Variants in NBEAL1 observed in about 807,000 individuals in gnomAD.
NBEAL1 encodes the protein neurobeachin like 1, also known as neurobeachin-like protein 1.
In NBEAL1, 273 loss-of-function variants were observed where a neutral mutation model predicts 351.3. That is an observed-to-expected ratio of 0.78 (90% CI 0.70 to 0.86). The LOEUF is 0.86. NBEAL1 is among the 40% of genes least tolerant of loss of function. The pLI is 0.00. For synonymous variants in NBEAL1, 1,050 were observed against 1,086.4 expected (o/e 0.97, Z 0.66); for missense variants, 2,961 against 3,201.3 (o/e 0.92, Z 1.81).
chr2:203,211,869 A>G (rs536981690), intron 54 of NBEAL1, among the ~76,000 whole-genome samples: 9 of 152,184 alleles, frequency 5.9e-5, no homozygotes, highest in African/African-American at 2.2e-4. Flanking sequence ...GAGATACTGG[A>G]GTAGTGGATA....
chr2:203,187,405 GGCTTTTTT>G, intron 44 of NBEAL1, among the ~76,000 whole-genome samples: 1 of 84,934 alleles, frequency 1.2e-5, no homozygotes, highest in Non-Finnish European at 2.4e-5. Context: ...AGCAATATCT[GGCTTTTTT>G]ATATTTTCTT....
At chr2:203,184,214 T>C (rs1182777278) in intron 44 of NBEAL1, among the ~76,000 whole-genome samples, 6 of 150,766 alleles carry the variant, frequency 4.0e-5, no homozygotes, top group African/African-American at 1.2e-4. Context: ...GCAGATCACC[T>C]GAGGTCAGGA....
In NBEAL1 at chr2:203,201,727, CT is replaced by C; in HGVS notation, c.7411+19del. On this transcript the variant is annotated intron_variant, in intron 50 of 55. Transcript: ENST00000683969. ...CATCCGGCATATGGGTAAGCATTAG[CT>C]TTTTTTCCAAAAATGCTCAAAAATT... The C allele has an allele frequency of 5.2e-6, 8 of 1,550,946 alleles. No homozygotes were observed. The highest frequency in any genetic ancestry group is 1.2e-5 in the South Asian group (1 of 82,696).
chr2:203,110,401 T>C lies in NBEAL1; in HGVS notation c.2082+119T>C, dbSNP rs2062540123. 6.6e-6 allele frequency: 7 copies of C among 1,056,980 alleles called. No homozygotes were observed. In the Admixed American group the frequency reaches 1.8e-4, roughly 27 times the overall value. 65.5% of individuals were successfully genotyped at this position (1,056,980 alleles called of 1,614,324 possible). The stretch of plus-strand genomic sequence containing the variant: ...AAAATTTAAATGAGGCTGGGCGCAG[T>C]GGCACACCTGTACGTAATCCCAGCA... On this transcript the variant is annotated intron_variant, in intron 15 of 55. Coordinates refer to ENST00000683969, the MANE Select transcript of NBEAL1 (RefSeq NM_001378026.1).
At chr2:203,107,109 A>C (rs2062456110) in intron 12 of NBEAL1, among the ~76,000 whole-genome samples, 1 of 152,180 alleles carries the variant, frequency 6.6e-6, no homozygotes, top group Non-Finnish European at 1.5e-5. Context: ...ATTACAAATC[A>C]AGTGAAGAAA....
chr2:203,140,396 G>A lies in NBEAL1; in HGVS notation c.4848+1648G>A, dbSNP rs545653078. On this transcript the variant is annotated intron_variant, in intron 31 of 55. Coordinates refer to ENST00000683969, the MANE Select transcript of NBEAL1 (RefSeq NM_001378026.1). ...AAAATAACTATTAGCATTTTAGTAC[G>A]TTACTTCTTTCTTGTTCTATGAATA... 5.9e-5 allele frequency among the ~76,000 whole-genome samples: 9 copies of A among 151,668 alleles called. No individual in the cohort carries two copies. In the East Asian group the frequency reaches 9.7e-4, roughly 16 times the overall value.
intron 39 of NBEAL1, among the ~76,000 whole-genome samples, chr2:203,170,280 G>A (rs964860600): frequency 1.3e-5 from 2 of 152,174 alleles, no homozygotes; most frequent in Non-Finnish European, 2.9e-5. Flanking sequence ...GCTGAGGTGG[G>A]AGAATCGCTT....
In NBEAL1 at chr2:203,042,427, G is replaced by A. The variant is rs146945911; in HGVS notation, c.143+571G>A. 4.0e-4 allele frequency among the ~76,000 whole-genome samples: 61 copies of A among 152,258 alleles called. 1 individual carries two copies. The highest frequency in any genetic ancestry group is 3.8e-3 in the Admixed American group (58 of 15,292). The stretch of plus-strand genomic sequence containing the variant: ...TGTGTTGCCCTTCCTGAACATCAGC[G>A]TGTTCACTAATCAGGAAGCTCTTCA... On this transcript the variant is annotated intron_variant, in intron 3 of 55. Coordinates refer to ENST00000683969, the MANE Select transcript of NBEAL1 (RefSeq NM_001378026.1).
chr2:203,165,897 G>C (rs956536403), intron 36 of NBEAL1, among the ~76,000 whole-genome samples: 4 of 152,092 alleles, frequency 2.6e-5, no homozygotes, highest in Non-Finnish European at 4.4e-5. Flanking sequence ...ATAAAAATTA[G>C]CTGGGCATGG....
At chr2:203,188,914 A>G (rs147033546) in intron 45 of NBEAL1, among the ~76,000 whole-genome samples, 207 of 152,336 alleles carry the variant, frequency 1.4e-3, no homozygotes, top group African/African-American at 4.8e-3. Context: ...TACAAATAAC[A>G]GATTCTTCAA....
intron 8 of NBEAL1, 69 bp downstream of exon 8, chr2:203,077,906 AG>A: frequency 1.3e-6 from 1 of 783,862 alleles, no homozygotes; most frequent in Non-Finnish European, 1.9e-6. Context: ...CCATAGATTT[AG>A]TATGTTCTTT....
At chr2:203,130,178 A>G (rs962110127) in intron 24 of NBEAL1, 140 bp from the exon 25 acceptor site, 3 of 842,632 alleles carry the variant, frequency 3.6e-6, no homozygotes, top group Non-Finnish European at 5.1e-6. Flanking sequence ...ATTTTTTTAA[A>G]AAGACATCAT....
chr2:203,044,582 G>A (rs17473209), intron 3 of NBEAL1, among the ~76,000 whole-genome samples: 61,301 of 151,878 alleles, frequency 0.4, 12,793 homozygotes, highest in East Asian at 0.63. Context: ...CATGAAGAAC[G>A]CCAAGAGCAT....
intron 2 of NBEAL1, among the ~76,000 whole-genome samples, chr2:203,018,946 C>A (rs1397151401): frequency 6.6e-6 from 1 of 152,084 alleles, no homozygotes; most frequent in Non-Finnish European, 1.5e-5. Context: ...TTCGTATTTT[C>A]CCACTGTTTG....
At chr2:203,201,440 G>T in intron 49 of NBEAL1, 103 bp from the exon 50 acceptor site, 2 of 926,072 alleles carry the variant, frequency 2.2e-6, no homozygotes, top group Non-Finnish European at 3.0e-6. Flanking sequence ...AGGACATTTG[G>T]GACTAATTTT....
rs751206740 is a variant in NBEAL1, at chr2:203,166,301, A to T, written c.5863+4A>T. 1 of 1,595,722 alleles carries T rather than the reference A, an allele frequency of 6.3e-7. No individual in the cohort carries two copies. The highest frequency in any genetic ancestry group is 8.5e-7 in the Non-Finnish European group (1 of 1,175,648). On this transcript the variant is annotated splice_donor_region_variant and intron_variant, in intron 37 of 55. Coordinates refer to ENST00000683969, the MANE Select transcript of NBEAL1 (RefSeq NM_001378026.1). ...GGCAGCATTGAAAAAGAAGATGGTG[A>T]GGAGTTCTGGAAAAAATAATTTTTG...
intron 54 of NBEAL1, among the ~76,000 whole-genome samples, chr2:203,211,964 T>C (rs537215727): frequency 6.6e-6 from 1 of 152,228 alleles, no homozygotes; most frequent in East Asian, 1.9e-4. Flanking sequence ...ATTGGCTCAC[T>C]GCAGCCTCTG....
chr2:203,064,262 A>G lies in NBEAL1; in HGVS notation c.516-4131A>G, dbSNP rs866343212. On this transcript the variant is annotated intron_variant, in intron 6 of 55. Coordinates refer to ENST00000683969, the MANE Select transcript of NBEAL1 (RefSeq NM_001378026.1). ...AAGACAGGGTTTCACCATGTTGGCC[A>G]GACTGGTCTTGAACTCCTGACCTCA... is the stretch of plus-strand genomic sequence containing the variant. Among the ~76,000 whole-genome samples, 6 of 152,268 alleles carry G rather than the reference A, an allele frequency of 3.9e-5. No homozygotes were observed. The South Asian group carries it at 1.2e-3, about 32-fold the overall frequency.
At chr2:203,145,192 T>G (rs746070056) in intron 33 of NBEAL1, 32 bp downstream of exon 33, 12 of 1,578,580 alleles carry the variant, frequency 7.6e-6, no homozygotes, top group South Asian at 4.7e-5. Context: ...ATCTAGTTTT[T>G]CTTGTTGATT....
Sources: allele counts gnomAD v4.1 joint callset (sites outside exome capture counted in the v4.1 genomes callset), GRCh38; gene constraint gnomAD v4.1.1; transcripts MANE v1.5; gene names NCBI Gene and HGNC (gene_info 2026-07-23, HGNC 2026-07-21).